SMARCB1: variants seen among roughly 807,000 people sequenced by gnomAD.
SMARCB1 encodes the protein SWI/SNF-related matrix-associated actin-dependent regulator of chromatin subfamily B member 1.
In SMARCB1, 5 loss-of-function variants were observed where a neutral mutation model predicts 49.0. That is an observed-to-expected ratio of 0.10 (90% CI 0.05 to 0.21). The LOEUF (loss-of-function observed/expected upper bound fraction) is 0.21, where lower values mean the gene tolerates loss of function less well. Ranked by LOEUF, SMARCB1 falls within the 10% of genes least tolerant of loss-of-function variation. The probability of loss-of-function intolerance (pLI) is 1.00; values close to 1 mark genes in which losing one functional copy is unlikely to be tolerated. For synonymous variants in SMARCB1, 201 were observed against 200.1 expected, an observed-to-expected ratio of 1.00 and a Z score of -0.04; for missense variants, 226 against 509.2, an observed-to-expected ratio of 0.44 and a Z score of 5.35.
rs566409375 is a variant in SMARCB1 at position 23,794,005 on chromosome 22, C to T, written c.362+317C>T. Among the ~76,000 whole-genome samples, 13 of 152,202 alleles carry T rather than the reference C, an allele frequency of 8.5e-5. No homozygotes were observed. The East Asian group carries it at 2.3e-3, about 27-fold the overall frequency. On this transcript the variant is annotated intron_variant, in intron 3 of 8. Transcript: ENST00000644036. ...TGTTGCCCAGGATGGAGTGCAATGGCGTGATCTCAGCTCACTGCAACTTCT... is the reference window on the plus strand; with the variant it reads ...TGTTGCCCAGGATGGAGTGCAATGGTGTGATCTCAGCTCACTGCAACTTCT...
chr22:23,836,825 A>G lies in SMARCB1; in HGVS notation c.*2645A>G. 1.4e-6 allele frequency: 2 copies of G among 1,435,644 alleles called. No individual in the cohort carries two copies. Among genetic ancestry groups the G allele is most frequent in the Non-Finnish European group, 1.8e-6 (2 of 1,093,410 alleles). 88.9% of individuals were successfully genotyped at this position (1,435,644 alleles called of 1,614,324 possible). A position where few individuals can be genotyped will look rare whatever the true frequency, so the allele number is the denominator to read the frequency against. On this transcript the variant is annotated 3_prime_UTR_variant, in exon 9 of 9. Coordinates refer to ENST00000644036, the MANE Select transcript of SMARCB1 (RefSeq NM_003073.5). Reference sequence around the variant, plus strand: ...GCCCCAAGTAGGGGTCATGGGTAGGATGGAAGCTGCCAGAAGCCTCTTAGG... The same window carrying G: ...GCCCCAAGTAGGGGTCATGGGTAGGGTGGAAGCTGCCAGAAGCCTCTTAGG...
intron 3 of SMARCB1, among the ~76,000 whole-genome samples, chr22:23,799,944 A>G (rs1401399878): frequency 6.7e-6 from 1 of 149,868 alleles, no homozygotes; most frequent in African/African-American, 2.5e-5. Flanking sequence ...TCGGCCTCCC[A>G]AAGTGCTGGG....
At chr22:23,820,498 C>T (rs1195484749) in intron 6 of SMARCB1, among the ~76,000 whole-genome samples, 4 of 152,130 alleles carry the variant, frequency 2.6e-5, no homozygotes, top group Admixed American at 6.5e-5. Flanking sequence ...TGCTTGAGCC[C>T]GGGAGGCGGA....
At chr22:23,787,300 C>T (rs1928054495) in intron 1 of SMARCB1, 38 bp downstream of exon 1, 2 of 1,327,984 alleles carry the variant, frequency 1.5e-6, no homozygotes, top group Admixed American at 3.6e-5. Flanking sequence ...CCGGGCTCGG[C>T]CCCGCGGGAG....
chr22:23,819,706 A>T (rs1350900257), intron 6 of SMARCB1, among the ~76,000 whole-genome samples: 1 of 149,784 alleles, frequency 6.7e-6, no homozygotes, highest in Non-Finnish European at 1.5e-5. Flanking sequence ...CAGTAATTCC[A>T]TGTTTAGTTT....
Position 23,834,636 on chromosome 22 carries a change from C to T in SMARCB1, c.*456C>T. The T allele has an allele frequency of 1.2e-6, 1 of 844,184 alleles. No individual in the cohort carries two copies. Among genetic ancestry groups the T allele is most frequent in the Non-Finnish European group, 1.9e-6 (1 of 536,966 alleles). 52.3% of individuals were successfully genotyped at this position (844,184 alleles called of 1,614,324 possible). ...AAGGTTGGCACACAGGCCTCACCCT[C>T]CTCTGCCTCAGATTCCCAAGTGGGC... On this transcript the variant is annotated 3_prime_UTR_variant, in exon 9 of 9. Transcript: ENST00000644036.
chr22:23,796,937 G>A (rs990835999), intron 3 of SMARCB1, among the ~76,000 whole-genome samples: 2 of 152,016 alleles, frequency 1.3e-5, no homozygotes, highest in African/African-American at 4.8e-5. Flanking sequence ...CGGACAATTT[G>A]AGCAGAGGCT....
chr22:23,801,173 G>C (rs1366732069), intron 4 of SMARCB1, 92 bp downstream of exon 4: 3 of 1,586,020 alleles, frequency 1.9e-6, no homozygotes, highest in East Asian at 4.5e-5. Context: ...AAAACACTCT[G>C]CTTTGACCTT....
chr22:23,812,792 T>C (rs1322367286), intron 5 of SMARCB1, among the ~76,000 whole-genome samples: 3 of 151,060 alleles, frequency 2.0e-5, no homozygotes, highest in Non-Finnish European at 1.5e-5. Flanking sequence ...ATAAAAATGC[T>C]CAGAAAAATA....
intron 7 of SMARCB1, among the ~76,000 whole-genome samples, chr22:23,829,200 A>G (rs1363094499): frequency 6.6e-6 from 1 of 152,186 alleles, no homozygotes; most frequent in Non-Finnish European, 1.5e-5. Flanking sequence ...GGCAGAGGAA[A>G]CAGATTCATG....
chr22:23,836,321 G>A lies in SMARCB1; in HGVS notation c.*2141G>A. ...CCACCTGTCAGGGTGGCTGATGAGA[G>A]ACAGGAGAGGCTAGATTGGCATCAG... On this transcript the variant is annotated 3_prime_UTR_variant, in exon 9 of 9. Transcript: ENST00000644036. 2.0e-6 allele frequency: 2 copies of A among 985,510 alleles called. No homozygotes were observed. The highest frequency in any genetic ancestry group is 1.2e-6 in the Non-Finnish European group (1 of 829,960). 61.0% of individuals were successfully genotyped at this position (985,510 alleles called of 1,614,324 possible).
At chr22:23,833,496 AG>A in intron 7 of SMARCB1, 75 bp from the exon 8 acceptor site, 1 of 1,598,612 alleles carries the variant, frequency 6.3e-7, no homozygotes, top group Non-Finnish European at 8.6e-7. Flanking sequence ...GGGCACAGAC[AG>A]GGGCCAAAGC....
chr22:23,800,838 G>C, intron 3 of SMARCB1, 106 bp from the exon 4 acceptor site: 1 of 905,606 alleles, frequency 1.1e-6, no homozygotes. Flanking sequence ...TGGGAGCCTC[G>C]AGCCTGACAG....
chr22:23,817,275 G>T, intron 6 of SMARCB1: 2 of 425,198 alleles, frequency 4.7e-6, no homozygotes, highest in East Asian at 4.5e-5. Context: ...ATAAGATGCT[G>T]CCTTAGTGGC....
At chr22:23,813,366 C>G (rs1286379042) in intron 5 of SMARCB1, among the ~76,000 whole-genome samples, 3 of 152,182 alleles carry the variant, frequency 2.0e-5, no homozygotes, top group Non-Finnish European at 4.4e-5. Flanking sequence ...ACATGATTGT[C>G]CGTGTAGAAA....
rs2030322042 is a variant in SMARCB1, at chr22:23,825,295, C to T, written c.866C>T (p.Ser289Leu). The T allele has an allele frequency of 6.2e-7, 1 of 1,614,148 alleles. No homozygotes were observed. Among genetic ancestry groups the T allele is most frequent in the Non-Finnish European group, 8.5e-7 (1 of 1,179,974 alleles). The change falls in exon 7 of 9, where the codon TCA becomes TTA. Residue 289 changes from serine to leucine, a missense_variant. Around this residue, in one of 6 missense-constraint regions of SMARCB1, gnomAD observed 35 missense variants for 107.2 expected, o/e 0.33. Coordinates refer to ENST00000644036, the MANE Select transcript of SMARCB1 (RefSeq NM_003073.5). Reference sequence around the variant, plus strand: ...TGGGACATGTCAGAGAAGGAGAACTCACCAGAGAAGTTTGCCCTGAAGCTG... The same window carrying T: ...TGGGACATGTCAGAGAAGGAGAACTTACCAGAGAAGTTTGCCCTGAAGCTG... ...FEWDMSEKEN[S>L]PEKFALKLCS...
At chr22:23,811,015 C>T (rs547158130) in intron 5 of SMARCB1, among the ~76,000 whole-genome samples, 2 of 138,616 alleles carry the variant, frequency 1.4e-5, no homozygotes, top group Admixed American at 7.7e-5. Context: ...CCAGCCTGGG[C>T]GACAGAGCAA....
At chr22:23,795,943 A>G (rs1448743600) in intron 3 of SMARCB1, among the ~76,000 whole-genome samples, 1 of 151,642 alleles carries the variant, frequency 6.6e-6, no homozygotes, top group East Asian at 2.0e-4. Context: ...GGAATGCACC[A>G]CTATGCCTGG....
At chr22:23,807,751 C>T (rs141660144) in intron 5 of SMARCB1, among the ~76,000 whole-genome samples, 2,953 of 151,850 alleles carry the variant, frequency 0.019, 44 homozygotes, top group South Asian at 0.035. Context: ...GGACAACTTA[C>T]CTGTAGGGAA....
Sources: allele counts gnomAD v4.1 joint callset (sites outside exome capture counted in the v4.1 genomes callset), GRCh38; gene constraint gnomAD v4.1.1; regional missense constraint gnomAD v4.1.1; transcripts MANE v1.5; gene names NCBI Gene and HGNC (gene_info 2026-07-23, HGNC 2026-07-21).